RSRC1: variants seen among roughly 807,000 people sequenced by gnomAD.
The protein encoded by RSRC1 is serine/Arginine-related protein 53.
In RSRC1, 39 loss-of-function variants were observed where a neutral mutation model predicts 49.1. That is an observed-to-expected ratio of 0.79 (90% CI 0.61 to 1.04). The LOEUF (loss-of-function observed/expected upper bound fraction) is 1.04, where lower values mean the gene tolerates loss of function less well. RSRC1 is among the 50% of genes least tolerant of loss of function. The pLI is 0.00. For synonymous variants in RSRC1, 143 were observed against 130.8 expected (o/e 1.09, Z -0.63); for missense variants, 388 against 402.4 (o/e 0.96, Z 0.31).
intron 4 of RSRC1, among the ~76,000 whole-genome samples, chr3:158,279,411 G>C (rs1312245101): frequency 6.6e-6 from 1 of 152,096 alleles, no homozygotes; most frequent in Non-Finnish European, 1.5e-5. Context: ...TTTTTTCCCA[G>C]ACATTTAAGA....
intron 5 of RSRC1, among the ~76,000 whole-genome samples, chr3:158,350,122 T>C (rs1033028449): frequency 2.0e-5 from 3 of 149,424 alleles, no homozygotes; most frequent in Non-Finnish European, 4.4e-5. Context: ...ATATTGGGTG[T>C]TGGTTTTTGT....
At chr3:158,471,117 A>C (rs564592380) in intron 7 of RSRC1, among the ~76,000 whole-genome samples, 1 of 152,362 alleles carries the variant, frequency 6.6e-6, no homozygotes, top group Non-Finnish European at 1.5e-5. Flanking sequence ...CCCAAGAGGC[A>C]ATGTGTTACT....
intron 6 of RSRC1, among the ~76,000 whole-genome samples, chr3:158,410,468 A>G (rs1734399818): frequency 6.6e-6 from 1 of 152,112 alleles, no homozygotes; most frequent in Non-Finnish European, 1.5e-5. Flanking sequence ...TAATCAACAA[A>G]CTTTTTGATT....
intron 6 of RSRC1, among the ~76,000 whole-genome samples, chr3:158,441,581 G>A (rs1163843436): frequency 2.0e-5 from 3 of 151,994 alleles, no homozygotes; most frequent in Non-Finnish European, 4.4e-5. Context: ...ATAAACTTGT[G>A]TATTCTCTTC....
intron 4 of RSRC1, among the ~76,000 whole-genome samples, chr3:158,209,201 G>T (rs777942495): frequency 2.6e-5 from 4 of 152,194 alleles, no homozygotes; most frequent in Admixed American, 1.3e-4. Flanking sequence ...TTGCGGCAGT[G>T]TTGGGAGGTG....
intron 3 of RSRC1, among the ~76,000 whole-genome samples, chr3:158,175,648 A>G (rs2108244096): frequency 6.6e-6 from 1 of 152,282 alleles, no homozygotes; most frequent in East Asian, 1.9e-4. Flanking sequence ...TCCTTACACC[A>G]ATTCCACGTT....
intron 5 of RSRC1, among the ~76,000 whole-genome samples, chr3:158,319,999 A>G (rs897687030): frequency 4.6e-5 from 7 of 152,180 alleles, no homozygotes; most frequent in Admixed American, 2.0e-4. Context: ...TTAATCAACT[A>G]TAGGAGGAGA....
At chr3:158,282,562 A>G (rs181190159) in intron 4 of RSRC1, among the ~76,000 whole-genome samples, 1 of 152,352 alleles carries the variant, frequency 6.6e-6, no homozygotes, top group African/African-American at 2.4e-5. Context: ...AGCACTTTAC[A>G]TGCATTATTG....
intron 6 of RSRC1, among the ~76,000 whole-genome samples, chr3:158,454,042 AGTTT>A (rs1240911147): frequency 2.0e-5 from 3 of 152,052 alleles, no homozygotes; most frequent in African/African-American, 7.2e-5. Context: ...GGTATTTCAC[AGTTT>A]CACCACAATT....
chr3:158,211,389 C>T (rs373420256), intron 4 of RSRC1, among the ~76,000 whole-genome samples: 3 of 151,958 alleles, frequency 2.0e-5, no homozygotes, highest in African/African-American at 4.8e-5. Flanking sequence ...ATAAGTGAGA[C>T]GTTACAAGTA....
At chr3:158,339,019 G>A (rs945691663) in intron 5 of RSRC1, among the ~76,000 whole-genome samples, 54 of 151,996 alleles carry the variant, frequency 3.6e-4, no homozygotes, top group East Asian at 1.9e-4. Context: ...AGGGCCGGGC[G>A]CGGTGGCTCA....
chr3:158,458,461 T>C (rs1737456183), intron 6 of RSRC1, among the ~76,000 whole-genome samples: 1 of 152,036 alleles, frequency 6.6e-6, no homozygotes, highest in African/African-American at 2.4e-5. Context: ...ACTAACTTAA[T>C]AGCAACAGCT....
chr3:158,234,154 T>G (rs1031371914), intron 4 of RSRC1, among the ~76,000 whole-genome samples: 3 of 152,176 alleles, frequency 2.0e-5, no homozygotes, highest in African/African-American at 7.2e-5. Flanking sequence ...TCAAATTGGT[T>G]TGTATCAGCC....
chr3:158,452,484 G>T (rs541413011), intron 6 of RSRC1, among the ~76,000 whole-genome samples: 51 of 152,228 alleles, frequency 3.4e-4, no homozygotes, highest in African/African-American at 1.2e-3. Flanking sequence ...TTACACATAT[G>T]TGAAATGATA....
At chr3:158,133,718 C>A (rs1716184071) in intron 3 of RSRC1, among the ~76,000 whole-genome samples, 1 of 152,140 alleles carries the variant, frequency 6.6e-6, no homozygotes, top group Non-Finnish European at 1.5e-5. Context: ...TAAATCATCC[C>A]ATTTCCTAAT....
intron 6 of RSRC1, among the ~76,000 whole-genome samples, chr3:158,444,029 A>G (rs567648235): frequency 3.2e-4 from 48 of 152,316 alleles, no homozygotes; most frequent in African/African-American, 1.2e-3. Context: ...TGGCATCCCA[A>G]AACACAGCAG....
chr3:158,316,532 C>T (rs1728470217), intron 5 of RSRC1, among the ~76,000 whole-genome samples: 1 of 149,914 alleles, frequency 6.7e-6, no homozygotes, highest in African/African-American at 2.5e-5. Context: ...GCAGGCTCCG[C>T]CCCCGGGGTT....
At chr3:158,370,812 G>C (rs1337124081) in intron 6 of RSRC1, among the ~76,000 whole-genome samples, 1 of 151,868 alleles carries the variant, frequency 6.6e-6, no homozygotes, top group Non-Finnish European at 1.5e-5. Context: ...GAATTACTAA[G>C]GTTATATAGT....
At chr3:158,197,772 G>A (rs942179558) in intron 3 of RSRC1, among the ~76,000 whole-genome samples, 2 of 152,110 alleles carry the variant, frequency 1.3e-5, no homozygotes, top group Non-Finnish European at 2.9e-5. Context: ...TCAGGAGCAG[G>A]TTGTTCAGTT....
Sources: allele counts gnomAD v4.1 joint callset (sites outside exome capture counted in the v4.1 genomes callset), GRCh38; gene constraint gnomAD v4.1.1; transcripts MANE v1.5; gene names NCBI Gene and HGNC (gene_info 2026-07-23, HGNC 2026-07-21).